Variants in SI observed in about 807,000 individuals in gnomAD.
The protein encoded by SI is sucrase-isomaltase.
SI carries 235 observed loss-of-function variants against 253.3 expected under a neutral mutation model. The observed-to-expected ratio is 0.93, with a 90% CI of 0.83 to 1.03. The LOEUF is 1.03. SI is among the 50% of genes least tolerant of loss of function. SI has a pLI of 0.00. For synonymous variants in SI, 819 were observed against 712.0 expected, an observed-to-expected ratio of 1.15 and a Z score of -2.39; for missense variants, 2,442 against 2,211.1, an observed-to-expected ratio of 1.10 and a Z score of -2.09.
rs781470490 is a variant in SI at position 165,069,176 on chromosome 3, CCT to C, written c.273_274del (p.Gly92LeufsTer8). On this transcript the variant is annotated frameshift_variant, in exon 4 of 48. Coordinates refer to ENST00000264382, the MANE Select transcript of SI (RefSeq NM_001041.4). LOFTEE classifies it high-confidence loss of function. The stretch of plus-strand genomic sequence containing the variant: ...GTCATTCCACGGCCTCCAGCAGCAG[CCT>C]CTCTGTGCACAAATTCCCTGATAAA... The C allele has an allele frequency of 5.0e-6, 8 of 1,611,378 alleles. 1 individual carries two copies. The highest frequency in any genetic ancestry group is 3.3e-5 in the Admixed American group (2 of 59,930).
At chr3:165,019,267 T>C (rs952398409) in intron 28 of SI, among the ~76,000 whole-genome samples, 3 of 151,918 alleles carry the variant, frequency 2.0e-5, no homozygotes, top group African/African-American at 7.2e-5. Context: ...CTTTAGGCAG[T>C]TATTTTCTAA....
chr3:165,006,734 T>C, intron 37 of SI, 82 bp downstream of exon 37: 2 of 1,207,018 alleles, frequency 1.7e-6, no homozygotes, highest in Non-Finnish European at 1.2e-6. Context: ...GAGAAGATTG[T>C]CGGGACTGTT....
At chr3:165,052,939 A>G (rs1713506148) in intron 13 of SI, among the ~76,000 whole-genome samples, 2 of 151,662 alleles carry the variant, frequency 1.3e-5, no homozygotes, top group African/African-American at 4.8e-5. Flanking sequence ...TCCAAATACT[A>G]TATATTAAAT....
At chr3:165,089,982 A>G in the SI span, among the ~76,000 whole-genome samples, 2 of 152,074 alleles carry the variant, frequency 1.3e-5, no homozygotes, top group Non-Finnish European at 2.9e-5. Flanking sequence ...GAAGGTGGAA[A>G]ATGACAGCTC....
chr3:165,049,890 A>G lies in SI; in HGVS notation c.1513-15T>C. On this transcript the variant is annotated splice_polypyrimidine_tract_variant and intron_variant, in intron 13 of 47. Coordinates refer to ENST00000264382, the MANE Select transcript of SI (RefSeq NM_001041.4). ...TCATTCATGTCCTGAATGGATACAAAATGAAGAACAGCAGATTTTACATAA... is the reference window on the plus strand; with the variant it reads ...TCATTCATGTCCTGAATGGATACAAGATGAAGAACAGCAGATTTTACATAA... The G allele has an allele frequency of 6.8e-7, 1 of 1,467,648 alleles. No homozygotes were observed. Among genetic ancestry groups the G allele is most frequent in the South Asian group, 1.1e-5 (1 of 88,010 alleles). The allele number at this position is 1,467,648 out of a possible 1,614,324, so 90.9% of individuals were successfully genotyped here.
chr3:164,989,563 G>C lies in SI; in HGVS notation c.5108+1790C>G, dbSNP rs114225547. Among the ~76,000 whole-genome samples, 3 of 152,128 alleles carry C rather than the reference G, an allele frequency of 2.0e-5. No homozygotes were observed. In the South Asian group the frequency reaches 6.2e-4, roughly 32 times the overall value. On this transcript the variant is annotated intron_variant, in intron 44 of 47. Coordinates refer to ENST00000264382, the MANE Select transcript of SI (RefSeq NM_001041.4). ...CAGCAGGACACTTAGTAGTTTGATG[G>C]AGTAGTGATACTGCCAGTGAATGTC...
rs770249709 is a variant in SI, at chr3:165,023,454, A to C, written c.3099+116T>G. 7.7e-6 allele frequency: 6 copies of C among 775,360 alleles called. No homozygotes were observed. The African/African-American group carries it at 1.1e-4, about 14-fold the overall frequency. The allele number at this position is 775,360 out of a possible 1,614,324, so 48.0% of individuals were successfully genotyped here. A position where few individuals can be genotyped will look rare whatever the true frequency, so the allele number is the denominator to read the frequency against. ...GAAAAAATATTTTTATAAAATCAAA[A>C]TATTATCAAATCTGTTAATAACCTT... is the stretch of plus-strand genomic sequence containing the variant. On this transcript the variant is annotated intron_variant, in intron 26 of 47. Transcript: ENST00000264382.
At chr3:165,033,522 TA>T in intron 22 of SI, 78 bp from the exon 23 acceptor site, 1 of 1,286,516 alleles carries the variant, frequency 7.8e-7, no homozygotes. Flanking sequence ...ATACAACACT[TA>T]AGAAATTTGA....
intron 37 of SI, 76 bp downstream of exon 37, chr3:165,006,740 C>A: frequency 7.8e-7 from 1 of 1,277,604 alleles, no homozygotes; most frequent in Non-Finnish European, 1.1e-6. Context: ...ATTGTCGGGA[C>A]TGTTAAAATG....
chr3:165,050,015 C>A, intron 13 of SI, 140 bp from the exon 14 acceptor site: 1 of 638,684 alleles, frequency 1.6e-6, no homozygotes, highest in Non-Finnish European at 2.9e-6. Context: ...TATAAGCTAC[C>A]AACCTAAAAA....
At chr3:164,991,559 T>A (rs1293205275) in intron 43 of SI, 82 bp from the exon 44 acceptor site, 2 of 1,427,010 alleles carry the variant, frequency 1.4e-6, no homozygotes, top group Admixed American at 1.7e-5. Flanking sequence ...ATATACATTT[T>A]AAAAAATCAA....
intron 3 of SI, among the ~76,000 whole-genome samples, chr3:165,071,313 T>C (rs899721020): frequency 1.3e-5 from 2 of 151,990 alleles, no homozygotes; most frequent in African/African-American, 2.4e-5. Flanking sequence ...TATTTATGTT[T>C]AGTTGGTCTT....
chr3:165,012,174 T>C (rs1718803591), intron 34 of SI, among the ~76,000 whole-genome samples: 1 of 152,156 alleles, frequency 6.6e-6, no homozygotes, highest in Non-Finnish European at 1.5e-5. Context: ...TCAACTTACA[T>C]GAAGTATCTA....
At chr3:165,035,848 CAGA>C (rs1011530533) in intron 22 of SI, among the ~76,000 whole-genome samples, 1 of 151,538 alleles carries the variant, frequency 6.6e-6, no homozygotes, top group Non-Finnish European at 1.5e-5. Flanking sequence ...AATACCATAG[CAGA>C]AGATTACTTT....
intron 17 of SI, among the ~76,000 whole-genome samples, chr3:165,042,689 T>C (rs1245898778): frequency 1.3e-5 from 2 of 152,138 alleles, no homozygotes; most frequent in Non-Finnish European, 2.9e-5. Flanking sequence ...GACAGTATAT[T>C]ATAACTTTTC....
At position 165,055,234 on chromosome 3, in the gene SI, C is replaced by T; in HGVS notation, c.1472G>A (p.Ser491Asn). The T allele has an allele frequency of 6.2e-7, 1 of 1,611,494 alleles. No individual in the cohort carries two copies. The highest frequency in any genetic ancestry group is 8.5e-7 in the Non-Finnish European group (1 of 1,178,218). Residue 491 changes from serine to asparagine, a missense_variant, in exon 13 of 48, where the codon AGT (serine) becomes AAT (asparagine). Physicochemically the swap from Ser to Asn is conservative, Grantham distance 46 (BLOSUM62 1). Coordinates refer to ENST00000264382, the MANE Select transcript of SI (RefSeq NM_001041.4). Reference protein sequence around the residue: ...NCIDWWANECSIFHQEVQYDG... With the variant: ...NCIDWWANECNIFHQEVQYDG... ...ATATTGCACTTCTTGATGGAAAATA[C>T]TGCATTCATTTGCCCACCAATCAAT...
intron 1 of SI, among the ~76,000 whole-genome samples, chr3:165,076,978 G>GTTT (rs770851693): frequency 1.9e-5 from 2 of 106,898 alleles, no homozygotes; most frequent in African/African-American, 3.3e-5. Context: ...ATCACGGTTT[G>GTTT]TTTTTTTTTT....
At chr3:165,041,193 T>C in intron 17 of SI, 99 bp from the exon 18 acceptor site, 2 of 1,001,448 alleles carry the variant, frequency 2.0e-6, no homozygotes, top group South Asian at 2.7e-5. Flanking sequence ...ACTACATAAA[T>C]TTCAGCTTGT....
chr3:165,019,135 A>C (rs1472034183), intron 28 of SI, among the ~76,000 whole-genome samples: 1 of 151,974 alleles, frequency 6.6e-6, no homozygotes, highest in African/African-American at 2.4e-5. Flanking sequence ...TGAGTATATA[A>C]AAACACATTG....
Sources: allele counts gnomAD v4.1 joint callset (sites outside exome capture counted in the v4.1 genomes callset), GRCh38; gene constraint gnomAD v4.1.1; transcripts MANE v1.5; gene names NCBI Gene and HGNC (gene_info 2026-07-23, HGNC 2026-07-21).